TGFB2: variants seen among roughly 807,000 people sequenced by gnomAD.
TGFB2 encodes transforming growth factor beta-2 proprotein.
A neutral mutation model predicts 42.7 loss-of-function variants in TGFB2; 13 were observed. That is an observed-to-expected ratio of 0.30 (90% CI 0.20 to 0.48). TGFB2 has a LOEUF of 0.48. Among genes scored for constraint, TGFB2 ranks in the 20% least tolerant of loss-of-function variants. TGFB2 has a pLI of 0.99. For synonymous variants in TGFB2, 193 were observed against 193.6 expected (o/e 1.00, Z 0.03); for missense variants, 390 against 517.5 (o/e 0.75, Z 2.39).
chr1:218,348,084 G>T (rs1345816738), intron 1 of TGFB2, among the ~76,000 whole-genome samples: 1 of 149,712 alleles, frequency 6.7e-6, no homozygotes. Context: ...AGAAAAAAAA[G>T]AAAGAAAGAA....
At chr1:218,421,315 C>A (rs1359672997) in intron 2 of TGFB2, among the ~76,000 whole-genome samples, 4 of 150,528 alleles carry the variant, frequency 2.7e-5, no homozygotes, top group Non-Finnish European at 5.9e-5. Flanking sequence ...TTCTGTCCTT[C>A]TTGATATATA....
At chr1:218,373,379 CAATATGATTAGTAATAATAATATGACT>C (rs1366496172) in intron 1 of TGFB2, among the ~76,000 whole-genome samples, 10 of 151,400 alleles carry the variant, frequency 6.6e-5, no homozygotes, top group Non-Finnish European at 1.3e-4. Flanking sequence ...TCTTTTATAA[CAATATGATTAGTAATAATAATATGACT>C]AATATGATTA....
intron 1 of TGFB2, among the ~76,000 whole-genome samples, chr1:218,364,019 A>C (rs1571837499): frequency 6.6e-6 from 1 of 152,198 alleles, no homozygotes; most frequent in African/African-American, 2.4e-5. Flanking sequence ...AAAGCTTATC[A>C]GCTATCGTTA....
At chr1:218,431,403 G>A (rs1659802626) in intron 2 of TGFB2, among the ~76,000 whole-genome samples, 1 of 152,076 alleles carries the variant, frequency 6.6e-6, no homozygotes, top group Non-Finnish European at 1.5e-5. Flanking sequence ...ATATAGATTT[G>A]GCATTATGTG....
At position 218,405,343 on chromosome 1, in the gene TGFB2, T is replaced by TTTGTTG. The variant is rs10482769; in HGVS notation, c.510+38_510+43dup. ...ATTGAGCTATATCAGGTAATGTTCA[T>TTTGTTG]TTGTTGTTGTTGTTGTTGTTGTTGT... On this transcript the variant is annotated intron_variant, in intron 2 of 6. Transcript: ENST00000366930. 0.078 allele frequency: 116,804 copies of TTTGTTG among 1,507,078 alleles called. 3,177 individuals carry two copies. Among genetic ancestry groups the TTTGTTG allele is most frequent in the East Asian group, 0.16 (6,609 of 41,826 alleles). The allele number at this position is 1,507,078 out of a possible 1,614,324, so 93.4% of individuals were successfully genotyped here. A position where few individuals can be genotyped will look rare whatever the true frequency, so the allele number is the denominator to read the frequency against.
intron 1 of TGFB2, among the ~76,000 whole-genome samples, chr1:218,353,853 G>A (rs986633988): frequency 3.9e-5 from 6 of 152,216 alleles, no homozygotes; most frequent in African/African-American, 1.2e-4. Context: ...CTGCCCCGCT[G>A]TCCTCCAGCC....
At chr1:218,379,252 C>T (rs1293967361) in intron 1 of TGFB2, among the ~76,000 whole-genome samples, 1 of 151,654 alleles carries the variant, frequency 6.6e-6, no homozygotes, top group East Asian at 1.9e-4. Flanking sequence ...CCTGCCTCAG[C>T]CTCCTGAGTA....
chr1:218,389,548 G>A (rs1658254538), intron 1 of TGFB2, among the ~76,000 whole-genome samples: 1 of 152,170 alleles, frequency 6.6e-6, no homozygotes, highest in African/African-American at 2.4e-5. Flanking sequence ...ATTCTCAAGT[G>A]TTTAAGATCA....
rs1049481611 is a variant in TGFB2, at chr1:218,444,130, A to G, written c.*2768A>G. ...TGTGCTTTCTCCCTTAAGGACAGTC[A>G]CTTCAGAAGTCATGCTTTAAAGCAC... is the stretch of plus-strand genomic sequence containing the variant. On this transcript the variant is annotated 3_prime_UTR_variant, in exon 7 of 7. Coordinates refer to ENST00000366930, the MANE Select transcript of TGFB2 (RefSeq NM_003238.6). The G allele has an allele frequency of 1.3e-5, 2 of 152,126 alleles. No homozygotes were observed. Among genetic ancestry groups the G allele is most frequent in the Non-Finnish European group, 2.9e-5 (2 of 68,016 alleles). 9.4% of individuals were successfully genotyped at this position (152,126 alleles called of 1,614,324 possible). A position where few individuals can be genotyped will look rare whatever the true frequency, so the allele number is the denominator to read the frequency against.
At chr1:218,407,174 T>C (rs75114228) in intron 2 of TGFB2, among the ~76,000 whole-genome samples, 3,850 of 152,312 alleles carry the variant, frequency 0.025, 71 homozygotes, top group Non-Finnish European at 0.042. Context: ...CATAGCTCAC[T>C]GCACCCTCAA....
chr1:218,395,323 A>G (rs1443378148), intron 1 of TGFB2, among the ~76,000 whole-genome samples: 1 of 152,200 alleles, frequency 6.6e-6, no homozygotes, highest in Non-Finnish European at 1.5e-5. Context: ...TGAAAATACT[A>G]TGGCCTTGCA....
At position 218,433,955 on chromosome 1, in the gene TGFB2, C is replaced by A. The variant is rs10482808; in HGVS notation, c.511-127C>A. 28,605 of 1,244,694 alleles carry A rather than the reference C, an allele frequency of 0.023. 427 individuals carry two copies. The highest frequency in any genetic ancestry group is 0.027 in the Non-Finnish European group (24,669 of 897,186). 77.1% of individuals were successfully genotyped at this position (1,244,694 alleles called of 1,614,324 possible). A position where few individuals can be genotyped will look rare whatever the true frequency, so the allele number is the denominator to read the frequency against. ...GCATGTGACCATGCAATTGAGATGACAATGCATGGCTATACTACAGTAGAG... is the reference window on the plus strand; with the variant it reads ...GCATGTGACCATGCAATTGAGATGAAAATGCATGGCTATACTACAGTAGAG... On this transcript the variant is annotated intron_variant, in intron 2 of 6. Coordinates refer to ENST00000366930, the MANE Select transcript of TGFB2 (RefSeq NM_003238.6).
At chr1:218,399,712 C>T (rs929810046) in intron 1 of TGFB2, among the ~76,000 whole-genome samples, 2 of 152,126 alleles carry the variant, frequency 1.3e-5, no homozygotes, top group East Asian at 1.9e-4. Context: ...GAGTATATAG[C>T]GTCATGTATA....
At chr1:218,437,264 T>C in intron 5 of TGFB2, 79 bp from the exon 6 acceptor site, 2 of 1,345,946 alleles carry the variant, frequency 1.5e-6, no homozygotes, top group Non-Finnish European at 2.0e-6. Flanking sequence ...TTTTTCTGGT[T>C]TGGGGTGAGG....
At chr1:218,354,826 T>C (rs1162438198) in intron 1 of TGFB2, among the ~76,000 whole-genome samples, 1 of 152,240 alleles carries the variant, frequency 6.6e-6, no homozygotes, top group African/African-American at 2.4e-5. Flanking sequence ...TTTTTTTTTC[T>C]TGCCTCTTAA....
At chr1:218,359,327 C>G (rs1323152573) in intron 1 of TGFB2, among the ~76,000 whole-genome samples, 1 of 152,170 alleles carries the variant, frequency 6.6e-6, no homozygotes, top group African/African-American at 2.4e-5. Flanking sequence ...ATTTGTATCT[C>G]TTCATAGTAT....
At chr1:218,378,148 GATTTATTTATTTATTTATTT>G (rs80153970) in intron 1 of TGFB2, among the ~76,000 whole-genome samples, 92,033 of 148,250 alleles carry the variant, frequency 0.62, 28,981 homozygotes, top group African/African-American at 0.7. Context: ...GCTAATTTTG[GATTTATTTATTTATTTATTT>G]ATTTATTTAT....
chr1:218,359,912 C>G (rs1049138314), intron 1 of TGFB2, among the ~76,000 whole-genome samples: 2 of 152,126 alleles, frequency 1.3e-5, no homozygotes, highest in African/African-American at 4.8e-5. Context: ...TCACAGTAGA[C>G]AAAACCACTA....
chr1:218,404,024 T>C (rs1658819945), intron 1 of TGFB2, among the ~76,000 whole-genome samples: 2 of 145,058 alleles, frequency 1.4e-5, no homozygotes, highest in African/African-American at 5.3e-5. Context: ...TAGCCTCAGT[T>C]GCATATTCAA....
Sources: gnomAD v4.1 joint callset for allele counts (sites outside exome capture counted in the v4.1 genomes callset) on GRCh38, gnomAD v4.1.1 for gene constraint, MANE v1.5 for transcripts, NCBI Gene and HGNC (gene_info 2026-07-23, HGNC 2026-07-21) for gene names.